LRP1B: variants seen among roughly 807,000 people sequenced by gnomAD.
The protein encoded by LRP1B is LDL receptor related protein 1B.
A neutral mutation model predicts 556.6 loss-of-function variants in LRP1B; 217 were observed. The ratio of observed to expected loss-of-function variants is 0.39; its 90% confidence interval spans 0.35 to 0.44. The LOEUF (loss-of-function observed/expected upper bound fraction) is 0.44, where lower values mean the gene tolerates loss of function less well. LRP1B is among the 20% of genes least tolerant of loss of function. LRP1B has a pLI of 1.00. For missense variants in LRP1B, 5,053 were observed against 5,620.8 expected, an observed-to-expected ratio of 0.90 and a Z score of 3.23; for synonymous variants, 2,047 against 1,865.8, an observed-to-expected ratio of 1.10 and a Z score of -2.50.
intron 21 of LRP1B, among the ~76,000 whole-genome samples, chr2:140,918,024 A>T (rs1350719826): frequency 6.6e-6 from 1 of 151,980 alleles, no homozygotes; most frequent in Non-Finnish European, 1.5e-5. Context: ...TATAAAGTCT[A>T]TTTTTTTAGA....
At position 140,730,383 on chromosome 2, in the gene LRP1B, A is replaced by G. The variant is rs75398608; in HGVS notation, c.5759-13567T>C. ...AGGCAATTCACTTAGATAGCATCCA[A>G]ACTTTTTTGATGACTAAAACACTTT... On this transcript the variant is annotated intron_variant, in intron 35 of 90. Transcript: ENST00000389484. Among the ~76,000 whole-genome samples the G allele has an allele frequency of 1.9e-3, 292 of 152,290 alleles. 9 individuals are homozygous for G. The East Asian group carries it at 0.052, about 27-fold the overall frequency.
At chr2:142,063,245 C>T (rs1438903306) in intron 1 of LRP1B, among the ~76,000 whole-genome samples, 2 of 151,438 alleles carry the variant, frequency 1.3e-5, no homozygotes, top group African/African-American at 4.8e-5. Flanking sequence ...AATTAATCAC[C>T]ATGAATTTGC....
At chr2:141,665,420 C>G (rs1447495734) in intron 2 of LRP1B, among the ~76,000 whole-genome samples, 1 of 152,078 alleles carries the variant, frequency 6.6e-6, no homozygotes, top group East Asian at 1.9e-4. Flanking sequence ...GTTACAAAGT[C>G]AAGAAATAAT....
intron 4 of LRP1B, among the ~76,000 whole-genome samples, chr2:141,248,682 C>T (rs1405656708): frequency 6.6e-6 from 1 of 152,096 alleles, no homozygotes; most frequent in African/African-American, 2.4e-5. Context: ...TATTTGTATG[C>T]TGAACTAAAA....
chr2:141,456,721 T>A (rs1480563193), intron 3 of LRP1B, among the ~76,000 whole-genome samples: 1 of 152,194 alleles, frequency 6.6e-6, no homozygotes, highest in Non-Finnish European at 1.5e-5. Flanking sequence ...AAAAGGTAAG[T>A]AAGCATTTTT....
chr2:141,488,455 T>C (rs1683198469), intron 2 of LRP1B, among the ~76,000 whole-genome samples: 1 of 152,142 alleles, frequency 6.6e-6, no homozygotes, highest in African/African-American at 2.4e-5. Context: ...AGCCTGCTAC[T>C]AACTCCAAAA....
intron 2 of LRP1B, among the ~76,000 whole-genome samples, chr2:141,586,679 A>G (rs1687145685): frequency 6.6e-6 from 1 of 152,176 alleles, no homozygotes; most frequent in Admixed American, 6.5e-5. Context: ...GCGGTGGCTC[A>G]CGCCTGTAAT....
Position 141,886,157 on chromosome 2 carries a change from A to C in LRP1B, c.83-75756T>G, listed in dbSNP as rs374252438. Reference sequence around the variant, plus strand: ...GCAGGCTGGTAATCACTATTACCTAAGCATTGGATAATATCTGAATGTTCC... The same window carrying C: ...GCAGGCTGGTAATCACTATTACCTACGCATTGGATAATATCTGAATGTTCC... On this transcript the variant is annotated intron_variant, in intron 1 of 90. Transcript: ENST00000389484. 2.0e-4 allele frequency among the ~76,000 whole-genome samples: 30 copies of C among 152,322 alleles called. No individual in the cohort carries two copies. In the East Asian group the frequency reaches 4.8e-3, roughly 24 times the overall value.
At chr2:141,245,222 T>C (rs1254397450) in intron 5 of LRP1B, among the ~76,000 whole-genome samples, 1 of 152,170 alleles carries the variant, frequency 6.6e-6, no homozygotes, top group African/African-American at 2.4e-5. Flanking sequence ...TTCTCAAGGA[T>C]TGCCTTATTT....
chr2:141,416,841 T>G (rs1401076412), intron 3 of LRP1B, among the ~76,000 whole-genome samples: 1 of 152,156 alleles, frequency 6.6e-6, no homozygotes, highest in African/African-American at 2.4e-5. Flanking sequence ...GCCTTGACCC[T>G]CTCCCTAGCC....
chr2:141,180,687 A>G (rs909099519), intron 7 of LRP1B, among the ~76,000 whole-genome samples: 5 of 151,994 alleles, frequency 3.3e-5, no homozygotes, highest in Admixed American at 2.6e-4. Context: ...GTATTTTATA[A>G]AATGTTGCCA....
At chr2:141,168,839 T>C (rs1367023961) in intron 7 of LRP1B, among the ~76,000 whole-genome samples, 3 of 152,058 alleles carry the variant, frequency 2.0e-5, no homozygotes, top group Non-Finnish European at 4.4e-5. Flanking sequence ...ACCTATCTCA[T>C]AGGCTTTTGT....
intron 82 of LRP1B, among the ~76,000 whole-genome samples, chr2:140,321,088 T>A (rs1354847570): frequency 6.6e-6 from 1 of 152,086 alleles, no homozygotes; most frequent in East Asian, 1.9e-4. Context: ...AAATAATTTT[T>A]AAAAGTATTA....
At chr2:141,605,382 A>AT (rs34672355) in intron 2 of LRP1B, among the ~76,000 whole-genome samples, 9 of 151,552 alleles carry the variant, frequency 5.9e-5, no homozygotes, top group African/African-American at 1.7e-4. Flanking sequence ...TTTTTATTTT[A>AT]TTTTTTTTGA....
At chr2:140,886,826 A>G (rs963609688) in intron 23 of LRP1B, among the ~76,000 whole-genome samples, 2 of 152,170 alleles carry the variant, frequency 1.3e-5, no homozygotes, top group Admixed American at 1.3e-4. Flanking sequence ...GAGTGCTTCC[A>G]TTAAGAGACA....
intron 41 of LRP1B, among the ~76,000 whole-genome samples, chr2:140,602,916 G>A (rs1481023103): frequency 6.6e-6 from 1 of 151,794 alleles, no homozygotes; most frequent in Non-Finnish European, 1.5e-5. Flanking sequence ...TTCCCAAGAA[G>A]AAAGCTGAAA....
At chr2:140,770,156 A>G (rs1689257679) in intron 34 of LRP1B, among the ~76,000 whole-genome samples, 3 of 151,960 alleles carry the variant, frequency 2.0e-5, no homozygotes, top group South Asian at 4.1e-4. Flanking sequence ...GGGGATAATA[A>G]GAGAACTACC....
At chr2:141,277,000 T>G (rs1194705304) in intron 3 of LRP1B, among the ~76,000 whole-genome samples, 1 of 152,192 alleles carries the variant, frequency 6.6e-6, no homozygotes. Flanking sequence ...TAGTATTCCA[T>G]GGTGTACATG....
chr2:140,594,130 G>A (rs1002665637), intron 43 of LRP1B, among the ~76,000 whole-genome samples: 1 of 151,862 alleles, frequency 6.6e-6, no homozygotes, highest in African/African-American at 2.4e-5. Context: ...CACCATGCCC[G>A]GCTAATTTTT....
Sources: gnomAD v4.1 joint callset for allele counts (sites outside exome capture counted in the v4.1 genomes callset) on GRCh38, gnomAD v4.1.1 for gene constraint, MANE v1.5 for transcripts, NCBI Gene and HGNC (gene_info 2026-07-23, HGNC 2026-07-21) for gene names.